The following EXOC4 variants were observed in gnomAD, a reference collection of about 807,000 sequenced individuals.
EXOC4 encodes the protein SEC8-like 1.
In EXOC4, 71 loss-of-function variants were observed where a neutral mutation model predicts 107.2. That is an observed-to-expected ratio of 0.66 (90% confidence interval 0.55 to 0.81). EXOC4 has a LOEUF of 0.81. EXOC4 is among the 30% of genes least tolerant of loss of function. The pLI is 0.00. For synonymous variants in EXOC4, 456 were observed against 441.2 expected, an observed-to-expected ratio of 1.03 and a Z score of -0.42; for missense variants, 1,108 against 1,189.6, an observed-to-expected ratio of 0.93 and a Z score of 1.01.
chr7:133,633,322 C>T (rs1802633185), intron 10 of EXOC4, among the ~76,000 whole-genome samples: 1 of 152,138 alleles, frequency 6.6e-6, no homozygotes, highest in Non-Finnish European at 1.5e-5. Flanking sequence ...TGTGTTTCTA[C>T]TTGTTATCAA....
At chr7:134,025,404 A>G (rs541913763) in intron 17 of EXOC4, among the ~76,000 whole-genome samples, 8 of 152,226 alleles carry the variant, frequency 5.3e-5, no homozygotes, top group Non-Finnish European at 8.8e-5. Flanking sequence ...TATTGGATCT[A>G]CACATTTGTT....
At chr7:133,854,647 G>A (rs1798310533) in intron 11 of EXOC4, among the ~76,000 whole-genome samples, 1 of 151,744 alleles carries the variant, frequency 6.6e-6, no homozygotes, top group Non-Finnish European at 1.5e-5. Context: ...CACAAGCACA[G>A]CCATCAGCAA....
At chr7:133,430,795 C>T (rs1040131638) in intron 7 of EXOC4, among the ~76,000 whole-genome samples, 1 of 152,144 alleles carries the variant, frequency 6.6e-6, no homozygotes, top group African/African-American at 2.4e-5. Flanking sequence ...CCCTTTCTAT[C>T]TTGCCTTTTG....
chr7:133,980,477 T>C (rs1246028300), intron 14 of EXOC4, among the ~76,000 whole-genome samples: 1 of 152,226 alleles, frequency 6.6e-6, no homozygotes, highest in Non-Finnish European at 1.5e-5. Context: ...TAAACAGGTT[T>C]AACGATTTCC....
intron 10 of EXOC4, among the ~76,000 whole-genome samples, chr7:133,743,039 T>C (rs937584452): frequency 6.6e-6 from 1 of 152,184 alleles, no homozygotes; most frequent in Non-Finnish European, 1.5e-5. Context: ...GTACTGTACA[T>C]GTGTGCTTCT....
intron 7 of EXOC4, among the ~76,000 whole-genome samples, chr7:133,379,849 C>G (rs774231725): frequency 1.2e-4 from 19 of 152,096 alleles, no homozygotes; most frequent in Non-Finnish European, 2.5e-4. Flanking sequence ...GAAAACGAAA[C>G]CCATTATTTC....
rs145857681 is a variant in EXOC4 at position 133,338,971 on chromosome 7, C to T, written c.764-17359C>T. Among the ~76,000 whole-genome samples, 1,458 of 152,090 alleles carry T rather than the reference C, an allele frequency of 9.6e-3. 17 individuals carry two copies. The highest frequency in any genetic ancestry group is 0.034 in the African/African-American group (1,401 of 41,498). On this transcript the variant is annotated intron_variant, in intron 5 of 17. Transcript: ENST00000253861. ...TTCTCCATGTTGGTCAGGCTGGTCT[C>T]GAACTCCAGACCTCAGGTCATCCGC...
intron 11 of EXOC4, among the ~76,000 whole-genome samples, chr7:133,829,970 C>T (rs1797775722): frequency 6.6e-6 from 1 of 151,972 alleles, no homozygotes. Flanking sequence ...TCTTTTTCTT[C>T]TTCATTTTTA....
chr7:133,541,016 T>C (rs1800369205), intron 9 of EXOC4, among the ~76,000 whole-genome samples: 1 of 152,202 alleles, frequency 6.6e-6, no homozygotes, highest in South Asian at 2.1e-4. Context: ...AGATATGCAA[T>C]AATAAGGAAA....
intron 10 of EXOC4, among the ~76,000 whole-genome samples, chr7:133,668,430 T>G (rs369250463): frequency 2.6e-5 from 4 of 152,346 alleles, no homozygotes; most frequent in African/African-American, 9.6e-5. Context: ...TTATAGTTCA[T>G]ACATCTGATT....
At chr7:133,482,395 T>A (rs1799178009) in intron 9 of EXOC4, among the ~76,000 whole-genome samples, 1 of 152,060 alleles carries the variant, frequency 6.6e-6, no homozygotes, top group African/African-American at 2.4e-5. Context: ...CTCTCATCGC[T>A]CACTCACACT....
chr7:133,362,445 T>C (rs1796156593), intron 6 of EXOC4, among the ~76,000 whole-genome samples: 2 of 152,218 alleles, frequency 1.3e-5, no homozygotes, highest in Admixed American at 6.5e-5. Context: ...TATCATATGG[T>C]GATGGTTCTT....
chr7:133,430,292 G>T (rs1478630702), intron 7 of EXOC4, among the ~76,000 whole-genome samples: 2 of 152,158 alleles, frequency 1.3e-5, no homozygotes, highest in African/African-American at 2.4e-5. Context: ...GGAGTTTGGG[G>T]TTTTTGTGGG....
chr7:133,612,330 G>T (rs1239667370), intron 9 of EXOC4, among the ~76,000 whole-genome samples: 1 of 152,228 alleles, frequency 6.6e-6, no homozygotes, highest in East Asian at 1.9e-4. Flanking sequence ...ATTTTCTGCT[G>T]ACTAGATTTA....
At chr7:133,390,715 G>A (rs772401396) in intron 7 of EXOC4, among the ~76,000 whole-genome samples, 3 of 152,208 alleles carry the variant, frequency 2.0e-5, no homozygotes, top group Non-Finnish European at 4.4e-5. Flanking sequence ...TACAGAGAAT[G>A]TGGTTAATGG....
chr7:133,360,667 T>C (rs1433813354), intron 6 of EXOC4, among the ~76,000 whole-genome samples: 1 of 152,236 alleles, frequency 6.6e-6, no homozygotes, highest in Non-Finnish European at 1.5e-5. Context: ...GAAAGAAATA[T>C]ACTTTAATGC....
At chr7:133,583,966 A>T (rs1801337028) in intron 9 of EXOC4, among the ~76,000 whole-genome samples, 1 of 152,104 alleles carries the variant, frequency 6.6e-6, no homozygotes, top group African/African-American at 2.4e-5. Context: ...TGTCTGGAGG[A>T]TAGTGACTGT....
rs1563029963 is a variant in EXOC4, at chr7:133,857,193, TATATATA to T, written c.1735-38405_1735-38399del. 3.1e-3 allele frequency among the ~76,000 whole-genome samples: 152 copies of T among 48,532 alleles called. 11 individuals are homozygous for T. The highest frequency in any genetic ancestry group is 4.6e-3 in the Non-Finnish European group (121 of 26,122). The allele number at this position is 48,532 out of a possible 152,430, so 31.8% of individuals were successfully genotyped here. A position where few individuals can be genotyped will look rare whatever the true frequency, so the allele number is the denominator to read the frequency against. The stretch of plus-strand genomic sequence containing the variant: ...ATATATATATATATATATATATATA[TATATATA>T]TTTTACCTCTACTTAACCTCCCTGG... On this transcript the variant is annotated intron_variant, in intron 11 of 17. Coordinates refer to ENST00000253861, the MANE Select transcript of EXOC4 (RefSeq NM_021807.4).
At chr7:133,625,214 T>C (rs1170673128) in intron 9 of EXOC4, among the ~76,000 whole-genome samples, 1 of 152,204 alleles carries the variant, frequency 6.6e-6, no homozygotes, top group Non-Finnish European at 1.5e-5. Context: ...TAGATCGTTC[T>C]GTGTTTGGCA....
Sources: gnomAD v4.1 joint callset for allele counts (sites outside exome capture counted in the v4.1 genomes callset) on GRCh38, gnomAD v4.1.1 for gene constraint, MANE v1.5 for transcripts, NCBI Gene and HGNC (gene_info 2026-07-23, HGNC 2026-07-21) for gene names.